The following NUDCD3 variants were observed in gnomAD, a reference collection of about 807,000 sequenced individuals.
The protein encoded by NUDCD3 is NudC domain containing 3.
Under a neutral mutation model 39.7 loss-of-function variants are expected in NUDCD3, and 13 were observed. That is an observed-to-expected ratio of 0.33 (90% CI 0.21 to 0.52). The LOEUF (loss-of-function observed/expected upper bound fraction) is 0.52, where lower values mean the gene tolerates loss of function less well. Ranked by LOEUF, NUDCD3 falls within the 20% of genes least tolerant of loss-of-function variation. The pLI, the probability that NUDCD3 is intolerant of heterozygous loss-of-function variation, is 0.96. For missense variants in NUDCD3, 453 were observed against 458.1 expected, an observed-to-expected ratio of 0.99 and a Z score of 0.10; for synonymous variants, 175 against 172.4, an observed-to-expected ratio of 1.02 and a Z score of -0.12.
intron 2 of NUDCD3, among the ~76,000 whole-genome samples, chr7:44,436,916 G>A (rs895458256): frequency 4.6e-5 from 7 of 151,946 alleles, no homozygotes; most frequent in African/African-American, 1.4e-4. Flanking sequence ...ATAGTCAAAC[G>A]CACCAATCTT....
intron 3 of NUDCD3, among the ~76,000 whole-genome samples, chr7:44,408,370 C>T (rs528032395): frequency 6.6e-6 from 1 of 152,166 alleles, no homozygotes; most frequent in South Asian, 2.1e-4. Context: ...AGCTATACAG[C>T]AGAACAGGAA....
chr7:44,418,031 T>C (rs1176311540), intron 3 of NUDCD3, among the ~76,000 whole-genome samples: 1 of 152,194 alleles, frequency 6.6e-6, no homozygotes, highest in Non-Finnish European at 1.5e-5. Context: ...AGGGATGCCA[T>C]GGACCCCACC....
At chr7:44,484,444 A>G (rs1376297716) in intron 2 of NUDCD3, 3 of 153,366 alleles carry the variant, frequency 2.0e-5, no homozygotes. Flanking sequence ...GACAGGTACT[A>G]TTATTATCAC....
At chr7:44,462,087 A>C (rs1309430556) in intron 2 of NUDCD3, among the ~76,000 whole-genome samples, 1 of 152,222 alleles carries the variant, frequency 6.6e-6, no homozygotes, top group Non-Finnish European at 1.5e-5. Flanking sequence ...TGCAAAGCAT[A>C]TTATCAAACT....
intron 2 of NUDCD3, among the ~76,000 whole-genome samples, chr7:44,460,119 T>C (rs1035340434): frequency 2.6e-5 from 4 of 152,306 alleles, no homozygotes; most frequent in South Asian, 2.1e-4. Context: ...GCAGTATCGA[T>C]GTGGTAAAAT....
Position 44,395,252 on chromosome 7 carries a change from T to C in NUDCD3, c.787-2767A>G, listed in dbSNP as rs554135686. Among the ~76,000 whole-genome samples, 7 of 152,372 alleles carry C rather than the reference T, an allele frequency of 4.6e-5. No individual in the cohort carries two copies. In the South Asian group the frequency reaches 1.2e-3, roughly 27 times the overall value. On this transcript the variant is annotated intron_variant, in intron 4 of 5. Transcript: ENST00000355451. ...GCCACCTGTCAAGTGTTTACTCAGC[T>C]GCCACATGTGGCTAGCAGCTACTGT...
At chr7:44,403,884 G>C (rs188345546) in intron 4 of NUDCD3, among the ~76,000 whole-genome samples, 2 of 152,238 alleles carry the variant, frequency 1.3e-5, no homozygotes, top group Admixed American at 6.5e-5. Flanking sequence ...CTCCACTTGG[G>C]CACCAGCACA....
At chr7:44,472,252 A>T (rs1037727876) in intron 2 of NUDCD3, among the ~76,000 whole-genome samples, 1 of 152,246 alleles carries the variant, frequency 6.6e-6, no homozygotes, top group South Asian at 2.1e-4. Flanking sequence ...TATAGTTGTT[A>T]CTAAAATACT....
intron 5 of NUDCD3, among the ~76,000 whole-genome samples, chr7:44,390,247 C>A (rs747079901): frequency 2.6e-5 from 4 of 152,028 alleles, no homozygotes; most frequent in Non-Finnish European, 4.4e-5. Flanking sequence ...GCCTGTAGTC[C>A]CAGCTACTCA....
intron 2 of NUDCD3, among the ~76,000 whole-genome samples, chr7:44,463,877 T>C (rs1800066164): frequency 6.6e-6 from 1 of 151,880 alleles, no homozygotes; most frequent in Non-Finnish European, 1.5e-5. Flanking sequence ...GAAATGGGAA[T>C]TTAGTACTTC....
chr7:44,468,052 G>T (rs757015101), intron 2 of NUDCD3: 1 of 1,612,846 alleles, frequency 6.2e-7, no homozygotes, highest in African/African-American at 1.3e-5. Flanking sequence ...TCAAGGGCCA[G>T]ATCTTGATGC....
At chr7:44,443,472 G>A (rs1466769542) in intron 2 of NUDCD3, among the ~76,000 whole-genome samples, 2 of 151,586 alleles carry the variant, frequency 1.3e-5, no homozygotes, top group African/African-American at 2.4e-5. Flanking sequence ...GTGCAGTGGC[G>A]CCATCTTGGC....
intron 5 of NUDCD3, among the ~76,000 whole-genome samples, chr7:44,387,827 C>T (rs961835234): frequency 6.6e-6 from 1 of 152,164 alleles, no homozygotes; most frequent in East Asian, 1.9e-4. Flanking sequence ...TGTGTGTCAC[C>T]AAATTCACTC....
intron 2 of NUDCD3, among the ~76,000 whole-genome samples, chr7:44,469,779 A>G (rs1800214362): frequency 6.6e-6 from 1 of 152,072 alleles, no homozygotes; most frequent in South Asian, 2.1e-4. Context: ...ACACGAATAC[A>G]GTCATAAGGA....
At position 44,391,959 on chromosome 7, in the gene NUDCD3, A is replaced by G. The variant is rs115002380; in HGVS notation, c.975+338T>C. Among the ~76,000 whole-genome samples, 549 of 152,272 alleles carry G rather than the reference A, an allele frequency of 3.6e-3. 2 individuals are homozygous for G. Among genetic ancestry groups the G allele is most frequent in the African/African-American group, 0.013 (525 of 41,556 alleles). On this transcript the variant is annotated intron_variant, in intron 5 of 5. Coordinates refer to ENST00000355451, the MANE Select transcript of NUDCD3 (RefSeq NM_015332.4). ...CCACCAAGCGACTCTTCATGGGAAGATATGTGCAGATGAGGCACAAACAAA... is the reference window on the plus strand; with the variant it reads ...CCACCAAGCGACTCTTCATGGGAAGGTATGTGCAGATGAGGCACAAACAAA...
chr7:44,440,426 G>A (rs1295915445), intron 2 of NUDCD3, among the ~76,000 whole-genome samples: 1 of 143,098 alleles, frequency 7.0e-6, no homozygotes, highest in East Asian at 2.1e-4. Context: ...ATGCCTAAAT[G>A]CAAGGTGACT....
chr7:44,455,341 A>T (rs945923750), intron 2 of NUDCD3, among the ~76,000 whole-genome samples: 14 of 151,634 alleles, frequency 9.2e-5, no homozygotes, highest in Non-Finnish European at 1.8e-4. Flanking sequence ...CAGTTCACAC[A>T]CTCATCTGTC....
Position 44,408,974 on chromosome 7 carries a change from C to T in NUDCD3, c.643-4391G>A, listed in dbSNP as rs549575627. On this transcript the variant is annotated intron_variant, in intron 3 of 5. Coordinates refer to ENST00000355451, the MANE Select transcript of NUDCD3 (RefSeq NM_015332.4). ...TTCTGGCTAAACTCAGAAAAGCCTT[C>T]CTCCCAACCCAGGAGTGTCTGTTGA... Among the ~76,000 whole-genome samples the T allele has an allele frequency of 7.2e-5, 11 of 152,344 alleles. No individual in the cohort carries two copies. In the South Asian group the frequency reaches 2.3e-3, roughly 32 times the overall value.
At chr7:44,488,160 C>A (rs528116584) in intron 1 of NUDCD3, among the ~76,000 whole-genome samples, 5 of 151,664 alleles carry the variant, frequency 3.3e-5, no homozygotes, top group African/African-American at 1.2e-4. Flanking sequence ...CATGATGAAA[C>A]CCCATCTCTA....
Sources: gnomAD v4.1 joint callset for allele counts (sites outside exome capture counted in the v4.1 genomes callset) on GRCh38, gnomAD v4.1.1 for gene constraint, MANE v1.5 for transcripts, NCBI Gene and HGNC (gene_info 2026-07-23, HGNC 2026-07-21) for gene names.